The following USP34 variants were observed in gnomAD, a reference collection of about 807,000 sequenced individuals.
USP34 encodes the protein ubiquitin carboxyl-terminal hydrolase 34.
A neutral mutation model predicts 460.3 loss-of-function variants in USP34; 70 were observed. The ratio of observed to expected loss-of-function variants is 0.15; its 90% CI spans 0.13 to 0.19. The LOEUF is 0.19. Among genes scored for constraint, USP34 ranks in the 10% least tolerant of loss-of-function variants. The pLI is 1.00. For missense variants in USP34, 3,985 were observed against 4,236.2 expected, an observed-to-expected ratio of 0.94 and a Z score of 1.65; for synonymous variants, 1,647 against 1,405.3, an observed-to-expected ratio of 1.17 and a Z score of -3.85.
In USP34 at chr2:61,470,853, A is replaced by C. The variant is rs1695939384; in HGVS notation, c.-161T>G. 10 of 202,204 alleles carry C rather than the reference A, an allele frequency of 4.9e-5. No homozygotes were observed. Among genetic ancestry groups the C allele is most frequent in the East Asian group, 4.8e-4 (2 of 4,142 alleles). 12.5% of individuals were successfully genotyped at this position (202,204 alleles called of 1,614,324 possible). A position where few individuals can be genotyped will look rare whatever the true frequency, so the allele number is the denominator to read the frequency against. On this transcript the variant is annotated 5_prime_UTR_variant, in exon 1 of 80. Coordinates refer to ENST00000398571, the MANE Select transcript of USP34 (RefSeq NM_014709.4). ...CGGGGACGGGGCGGGGAGCAAGAGA[A>C]TGGGGGAGGGGGCCGGCGGTCCCCG...
rs1241821717 is a variant in USP34 at position 61,214,607 on chromosome 2, C to T, written c.8135G>A (p.Arg2712His). The change falls in exon 68 of 80, where the codon CGT becomes CAT. Residue 2712 changes from arginine to histidine, a missense_variant. Transcript: ENST00000398571. ...TGTGTCTGGACTGAGTGGAAGGTCA[C>T]GGGTTGGGATGTGCAAAGACCTTGT... ...RSTRSLHIPTRDLPLSPDTTV... is the reference protein window; with the variant it reads ...RSTRSLHIPTHDLPLSPDTTV... 3.1e-6 allele frequency: 5 copies of T among 1,613,938 alleles called. No homozygotes were observed. The highest frequency in any genetic ancestry group is 2.2e-5 in the East Asian group (1 of 44,896).
chr2:61,291,869 T>G (rs1214827080), intron 33 of USP34, among the ~76,000 whole-genome samples: 1 of 152,150 alleles, frequency 6.6e-6, no homozygotes, highest in Non-Finnish European at 1.5e-5. Context: ...TGGATAAACA[T>G]GTAATATAAT....
chr2:61,451,233 A>AAAAAG (rs1695265895), intron 1 of USP34, among the ~76,000 whole-genome samples: 1 of 149,810 alleles, frequency 6.7e-6, no homozygotes, highest in African/African-American at 2.4e-5. Flanking sequence ...AAAAAAAAAA[A>AAAAAG]AAAAAAAAAA....
intron 32 of USP34, among the ~76,000 whole-genome samples, chr2:61,294,095 C>T (rs1394325535): frequency 6.6e-6 from 1 of 151,970 alleles, no homozygotes; most frequent in African/African-American, 2.4e-5. Flanking sequence ...CCTGTAATCC[C>T]AGCACTTTGG....
In USP34 at chr2:61,280,993, TC is replaced by T. The variant is rs1689520721; in HGVS notation, c.5151+96del. 5 of 1,319,754 alleles carry T rather than the reference TC, an allele frequency of 3.8e-6. No individual in the cohort carries two copies. The East Asian group carries it at 1.2e-4, about 33-fold the overall frequency. 81.8% of individuals were successfully genotyped at this position (1,319,754 alleles called of 1,614,324 possible). ...CTTGGTAAAAAATCACATACAGTAGTCAAATGATCAAAATTTTAAGGATATA... is the reference window on the plus strand; with the variant it reads ...CTTGGTAAAAAATCACATACAGTAGTAAATGATCAAAATTTTAAGGATATA... On this transcript the variant is annotated intron_variant, in intron 38 of 79. Transcript: ENST00000398571.
intron 70 of USP34, chr2:61,207,361 A>C (rs1261813649): frequency 6.5e-6 from 1 of 153,770 alleles, no homozygotes; most frequent in African/African-American, 2.4e-5. Flanking sequence ...GGCTTGTTAA[A>C]TCTTTTAATT....
rs749868537 is a variant in USP34, at chr2:61,470,705, GCCCC to G, written c.-17_-14del. On this transcript the variant is annotated 5_prime_UTR_variant, in exon 1 of 80. Transcript: ENST00000398571. ...AGTTCTCGCACATCGTTCGGCCGCC[GCCCC>G]CCCCCTCCCCCGCTTCGGATCACAC... 6.5e-7 allele frequency: 1 copy of G among 1,534,120 alleles called. No homozygotes were observed. Among genetic ancestry groups the G allele is most frequent in the Non-Finnish European group, 8.9e-7 (1 of 1,126,050 alleles).
At chr2:61,418,445 A>C (rs774401912) in intron 2 of USP34, among the ~76,000 whole-genome samples, 1 of 152,214 alleles carries the variant, frequency 6.6e-6, no homozygotes, top group Non-Finnish European at 1.5e-5. Context: ...CTACAAAAAC[A>C]ATTTATGACC....
intron 2 of USP34, chr2:61,416,783 C>G: frequency 2.6e-6 from 1 of 391,908 alleles, no homozygotes; most frequent in East Asian, 4.3e-5. Context: ...ATCTGGTAAA[C>G]AAACATGTGT....
intron 10 of USP34, among the ~76,000 whole-genome samples, chr2:61,357,848 C>G (rs912139473): frequency 6.6e-6 from 1 of 152,058 alleles, no homozygotes; most frequent in Non-Finnish European, 1.5e-5. Flanking sequence ...GATTACAACA[C>G]TGCATACTCC....
intron 46 of USP34, 50 bp downstream of exon 46, chr2:61,257,002 T>C (rs777286112): frequency 2.1e-6 from 3 of 1,426,040 alleles, no homozygotes; most frequent in Non-Finnish European, 2.8e-6. Flanking sequence ...ATAATATAAA[T>C]GAAAATATAT....
chr2:61,450,450 T>C (rs1170213427), intron 1 of USP34, among the ~76,000 whole-genome samples: 1 of 152,118 alleles, frequency 6.6e-6, no homozygotes, highest in Admixed American at 6.6e-5. Flanking sequence ...GGTTTACAAG[T>C]GGCAAAACCC....
intron 65 of USP34, chr2:61,221,841 G>A: frequency 2.8e-6 from 1 of 358,104 alleles, no homozygotes; most frequent in South Asian, 8.2e-5. Context: ...AGAGTATTTT[G>A]GAAAAGATAA....
chr2:61,344,080 T>C (rs1691686843), intron 15 of USP34, 51 bp from the exon 16 acceptor site: 1 of 1,558,150 alleles, frequency 6.4e-7, no homozygotes, highest in Admixed American at 1.7e-5. Context: ...GTGAATCTAA[T>C]TTGTGAACCA....
chr2:61,409,500 G>C (rs1351066234), intron 2 of USP34, among the ~76,000 whole-genome samples: 3 of 152,120 alleles, frequency 2.0e-5, no homozygotes, highest in Admixed American at 6.5e-5. Context: ...GATCACTTGA[G>C]GTCAGGAGTT....
intron 1 of USP34, among the ~76,000 whole-genome samples, chr2:61,438,871 G>A (rs1694889222): frequency 1.3e-5 from 2 of 152,282 alleles, no homozygotes; most frequent in East Asian, 3.9e-4. Flanking sequence ...AAGTCAAACT[G>A]TCCCTGTGTT....
intron 67 of USP34, among the ~76,000 whole-genome samples, chr2:61,218,637 C>T (rs532766859): frequency 6.6e-6 from 1 of 152,000 alleles, no homozygotes; most frequent in African/African-American, 2.4e-5. Flanking sequence ...GTCTTCTTAA[C>T]TTCCTCTTGG....
intron 5 of USP34, among the ~76,000 whole-genome samples, chr2:61,384,729 A>G (rs1426255285): frequency 6.6e-6 from 1 of 152,116 alleles, no homozygotes; most frequent in Non-Finnish European, 1.5e-5. Flanking sequence ...GAATGTAGGG[A>G]TTCACTATAA....
chr2:61,450,059 CTG>C (rs1254237062), intron 1 of USP34, among the ~76,000 whole-genome samples: 4 of 150,608 alleles, frequency 2.7e-5, no homozygotes, highest in African/African-American at 9.8e-5. Context: ...AACCAAGACT[CTG>C]TCTCAAAAAA....
Sources: allele counts gnomAD v4.1 joint callset (sites outside exome capture counted in the v4.1 genomes callset), GRCh38; gene constraint gnomAD v4.1.1; transcripts MANE v1.5; gene names NCBI Gene and HGNC (gene_info 2026-07-23, HGNC 2026-07-21).